Variants in FBXO34 observed in about 807,000 individuals in gnomAD.
FBXO34 encodes the protein F-box only protein 34.
FBXO34 carries 12 observed loss-of-function variants against 24.5 expected under a neutral mutation model. That is an observed-to-expected ratio of 0.49 (90% CI 0.31 to 0.79). FBXO34 has a LOEUF of 0.79. Ranked by LOEUF, FBXO34 falls within the 30% of genes least tolerant of loss-of-function variation. FBXO34 has a pLI of 0.04. For missense variants in FBXO34, 823 were observed against 857.7 expected (o/e 0.96, Z 0.51); for synonymous variants, 320 against 311.9 (o/e 1.03, Z -0.27).
At chr14:55,303,477 T>C (rs553815363) in intron 1 of FBXO34, among the ~76,000 whole-genome samples, 6 of 152,264 alleles carry the variant, frequency 3.9e-5, no homozygotes, top group Non-Finnish European at 8.8e-5. Flanking sequence ...GAGAGTCTTA[T>C]ATGTGTAAAT....
In FBXO34 at chr14:55,315,923, C is replaced by T. The variant is rs78632372; in HGVS notation, c.-10-34458C>T. On this transcript the variant is annotated intron_variant, in intron 1 of 1. Transcript: ENST00000313833. Reference sequence around the variant, plus strand: ...ATTATTTTGTTGATGACTTTCTCCCCTCCTTTTTTCTTCCTTAGTTTTCTC... The same window carrying T: ...ATTATTTTGTTGATGACTTTCTCCCTTCCTTTTTTCTTCCTTAGTTTTCTC... 7.5e-3 allele frequency among the ~76,000 whole-genome samples: 1,135 copies of T among 152,256 alleles called. 9 individuals are homozygous for T. Among genetic ancestry groups the T allele is most frequent in the Non-Finnish European group, 0.013 (901 of 68,006 alleles).
chr14:55,323,909 A>G (rs1288505991), intron 1 of FBXO34, among the ~76,000 whole-genome samples: 2 of 152,184 alleles, frequency 1.3e-5, no homozygotes, highest in Admixed American at 1.3e-4. Context: ...GATTTATTTA[A>G]AAATTTAGAT....
chr14:55,342,471 C>A (rs1403554021), intron 1 of FBXO34, among the ~76,000 whole-genome samples: 2 of 152,298 alleles, frequency 1.3e-5, no homozygotes, highest in African/African-American at 4.8e-5. Context: ...CCGAAAAAGT[C>A]ATCCCCCAAT....
In FBXO34 at chr14:55,328,589, T is replaced by G. The variant is rs117160933; in HGVS notation, c.-10-21792T>G. On this transcript the variant is annotated intron_variant, in intron 1 of 1. Transcript: ENST00000313833. ...GGGTGCAATTGATAACTTAATTGTT[T>G]CTGGAATTTTCCATTTACTATTTTT... Among the ~76,000 whole-genome samples, 71 of 152,362 alleles carry G rather than the reference T, an allele frequency of 4.7e-4. 1 individual carries two copies. In the Middle Eastern group the frequency reaches 0.014, roughly 29 times the overall value.
At chr14:55,395,870 A>G in the FBXO34 span, 33 of 1,157,488 alleles carry the variant, frequency 2.9e-5, no homozygotes, top group Non-Finnish European at 3.5e-5. Flanking sequence ...TTAATTAAAA[A>G]TAATTTTATA....
At chr14:55,367,350 C>A (rs1259278821) in exon 3 of FBXO34, 1 of 152,254 alleles carries the variant, frequency 6.6e-6, no homozygotes, top group African/African-American at 2.4e-5. Context: ...AGTCTACCAT[C>A]TTCACTCTCT....
the FBXO34 span, among the ~76,000 whole-genome samples, chr14:55,404,594 T>C: frequency 5.7e-3 from 872 of 152,224 alleles, 12 homozygotes; most frequent in African/African-American, 0.019. Context: ...TGACAGGCCT[T>C]GAAAATATCT....
chr14:55,427,233 A>T, the FBXO34 span, among the ~76,000 whole-genome samples: 2 of 147,836 alleles, frequency 1.4e-5, no homozygotes, highest in South Asian at 4.2e-4. Context: ...CTTTATAGGG[A>T]GCTCAGATTT....
chr14:55,328,656 A>G (rs555132458), intron 1 of FBXO34, among the ~76,000 whole-genome samples: 2 of 152,352 alleles, frequency 1.3e-5, no homozygotes, highest in East Asian at 3.9e-4. Flanking sequence ...ATGGATAAGG[A>G]TAAACTACTG....
the FBXO34 span, chr14:55,424,277 G>T: frequency 4.5e-3 from 6,808 of 1,497,690 alleles, 26 homozygotes; most frequent in Middle Eastern, 0.01. Flanking sequence ...AAAGGAAAAT[G>T]TTAAAAATAG....
rs189578671 is a variant in FBXO34 at position 55,311,426 on chromosome 14, T to C, written c.-10-38955T>C. On this transcript the variant is annotated intron_variant, in intron 1 of 1. Transcript: ENST00000313833. ...GTTTTCCTGGCCCTTCCTAATCTCA[T>C]GTCCCTTTTACATTTCAAAGCCAAT... Among the ~76,000 whole-genome samples, 14 of 152,306 alleles carry C rather than the reference T, an allele frequency of 9.2e-5. No homozygotes were observed. In the East Asian group the frequency reaches 2.3e-3, roughly 25 times the overall value.
the FBXO34 span, among the ~76,000 whole-genome samples, chr14:55,402,158 G>C: frequency 6.6e-6 from 1 of 152,066 alleles, no homozygotes; most frequent in African/African-American, 2.4e-5. Flanking sequence ...TAGCCTCACC[G>C]TAACACCCAC....
the FBXO34 span, among the ~76,000 whole-genome samples, chr14:55,381,549 T>C: frequency 1.3e-5 from 2 of 152,192 alleles, no homozygotes; most frequent in Non-Finnish European, 2.9e-5. Context: ...ATCCATATGA[T>C]GGAATATTAC....
intron 1 of FBXO34, chr14:55,326,152 C>G (rs775510378): frequency 2.0e-5 from 3 of 152,196 alleles, no homozygotes; most frequent in East Asian, 1.9e-4. Flanking sequence ...TAAAATCCCC[C>G]GAGTTGAGGT....
intron 1 of FBXO34, among the ~76,000 whole-genome samples, chr14:55,283,970 G>GTGTC (rs1555334931): frequency 1.8e-3 from 279 of 151,384 alleles, no homozygotes; most frequent in African/African-American, 4.8e-3. Flanking sequence ...GTGTGTGTGT[G>GTGTC]TGTGTCTGTG....
chr14:55,311,008 G>A (rs143724676), intron 1 of FBXO34, among the ~76,000 whole-genome samples: 1 of 152,066 alleles, frequency 6.6e-6, no homozygotes, highest in African/African-American at 2.4e-5. Context: ...CTGTTTGATT[G>A]CATTAAAACA....
intron 1 of FBXO34, among the ~76,000 whole-genome samples, chr14:55,276,595 C>G (rs558578800): frequency 1.4e-4 from 21 of 151,780 alleles, no homozygotes; most frequent in African/African-American, 5.1e-4. Flanking sequence ...CTCTCGGCCC[C>G]GAGGAAGGGG....
At chr14:55,359,208 C>T (rs1167209620) in intron 3 of FBXO34, among the ~76,000 whole-genome samples, 1 of 152,112 alleles carries the variant, frequency 6.6e-6, no homozygotes, top group Admixed American at 6.5e-5. Context: ...AGCCTCCCCC[C>T]AGCTCTTCTT....
At chr14:55,404,878 G>A in the FBXO34 span, among the ~76,000 whole-genome samples, 2 of 152,168 alleles carry the variant, frequency 1.3e-5, no homozygotes, top group African/African-American at 4.8e-5. Context: ...CAACACCCCT[G>A]AGACTCAGTT....
Sources: allele counts gnomAD v4.1 joint callset (sites outside exome capture counted in the v4.1 genomes callset), GRCh38; gene constraint gnomAD v4.1.1; transcripts MANE v1.5; gene names NCBI Gene and HGNC (gene_info 2026-07-23, HGNC 2026-07-21).